Variants in BTRC observed in about 807,000 individuals in gnomAD.
BTRC encodes the protein beta-transducin repeat containing E3 ubiquitin protein ligase.
BTRC carries 42 observed loss-of-function variants against 85.5 expected under a neutral mutation model. The ratio of observed to expected loss-of-function variants is 0.49; its 90% CI spans 0.38 to 0.64. BTRC has a LOEUF of 0.64. Ranked by LOEUF, BTRC falls within the 30% of genes least tolerant of loss-of-function variation. The probability of loss-of-function intolerance (pLI) is 0.00; values close to 1 mark genes in which losing one functional copy is unlikely to be tolerated. For synonymous variants in BTRC, 255 were observed against 263.3 expected, an observed-to-expected ratio of 0.97 and a Z score of 0.30; for missense variants, 594 against 743.5, an observed-to-expected ratio of 0.80 and a Z score of 2.34.
Position 101,356,905 on chromosome 10 carries a change from C to T in BTRC, c.48+2677C>T, listed in dbSNP as rs547972964. ...CAGGACTTTGGGAGGCCGAGGCAGGCGGATCACGAGGTCAGGAGATCGAGA... is the reference window on the plus strand; with the variant it reads ...CAGGACTTTGGGAGGCCGAGGCAGGTGGATCACGAGGTCAGGAGATCGAGA... On this transcript the variant is annotated intron_variant, in intron 1 of 14. Transcript: ENST00000370187. 4.6e-5 allele frequency among the ~76,000 whole-genome samples: 7 copies of T among 152,034 alleles called. No individual in the cohort carries two copies. The East Asian group carries it at 7.7e-4, about 17-fold the overall frequency.
rs960978960 is a variant in BTRC, at chr10:101,369,219, A to AT, written c.48+15004dup. Among the ~76,000 whole-genome samples the AT allele has an allele frequency of 3.8e-3, 544 of 143,046 alleles. 3 individuals are homozygous for AT. Among genetic ancestry groups the AT allele is most frequent in the Admixed American group, 7.7e-3 (109 of 14,238 alleles). 93.8% of individuals were successfully genotyped at this position (143,046 alleles called of 152,430 possible). On this transcript the variant is annotated intron_variant, in intron 1 of 14. Transcript: ENST00000370187. ...TTTTTTCCCCTATTGGAGTATTATT[A>AT]TTTTTTTTTTTTTAAAGAGATGGGT...
chr10:101,517,583 G>C lies in BTRC; in HGVS notation c.325-4056G>C, dbSNP rs141017519. 1.0e-3 allele frequency among the ~76,000 whole-genome samples: 158 copies of C among 152,286 alleles called. 1 individual carries two copies. The highest frequency in any genetic ancestry group is 3.5e-3 in the African/African-American group (145 of 41,550). ...TGGGTCTTTCTGCCACATTTGGGTT[G>C]CCTTAAGTAAATATGCCAAAGATCC... is the stretch of plus-strand genomic sequence containing the variant. On this transcript the variant is annotated intron_variant, in intron 4 of 14. Transcript: ENST00000370187.
intron 4 of BTRC, among the ~76,000 whole-genome samples, chr10:101,485,742 A>G (rs576966295): frequency 1.3e-5 from 2 of 152,262 alleles, no homozygotes; most frequent in African/African-American, 2.4e-5. Flanking sequence ...TCATATTTCT[A>G]TCTAGCCAGG....
intron 1 of BTRC, among the ~76,000 whole-genome samples, chr10:101,411,192 C>T (rs1416783588): frequency 1.3e-5 from 2 of 151,932 alleles, no homozygotes; most frequent in South Asian, 2.1e-4. Context: ...TGGGATTTCA[C>T]CATGTTGGCC....
At chr10:101,366,320 T>TA (rs2134502108) in intron 1 of BTRC, among the ~76,000 whole-genome samples, 1 of 151,734 alleles carries the variant, frequency 6.6e-6, no homozygotes, top group Admixed American at 6.6e-5. Context: ...GGGAAGACAT[T>TA]ATGGGGGCAG....
chr10:101,524,608 T>C (rs1217728644), intron 5 of BTRC, among the ~76,000 whole-genome samples: 5 of 152,150 alleles, frequency 3.3e-5, no homozygotes. Flanking sequence ...CAAAGACTTA[T>C]TTATAGGTAC....
chr10:101,533,130 C>A, intron 9 of BTRC, 60 bp downstream of exon 9: 2 of 1,243,660 alleles, frequency 1.6e-6, no homozygotes, highest in African/African-American at 1.5e-5. Flanking sequence ...TGTTCTTTGT[C>A]ATAGATAGTA....
chr10:101,511,906 C>T (rs879863602), intron 4 of BTRC, among the ~76,000 whole-genome samples: 7 of 152,228 alleles, frequency 4.6e-5, no homozygotes, highest in Non-Finnish European at 7.3e-5. Flanking sequence ...CCGCCTCAGC[C>T]TCCCAAAGTG....
chr10:101,457,350 T>C (rs1945109135), intron 2 of BTRC, among the ~76,000 whole-genome samples: 1 of 152,170 alleles, frequency 6.6e-6, no homozygotes, highest in Non-Finnish European at 1.5e-5. Context: ...ATGTTGGTGG[T>C]GGGATGTCAG....
intron 13 of BTRC, among the ~76,000 whole-genome samples, chr10:101,538,983 G>A (rs1054131264): frequency 2.0e-5 from 3 of 151,882 alleles, no homozygotes; most frequent in Non-Finnish European, 4.4e-5. Flanking sequence ...CCTGAGAGGC[G>A]GAGGTTGCAG....
intron 5 of BTRC, among the ~76,000 whole-genome samples, chr10:101,522,352 T>TAAAAAAAAAAAAAAA (rs34282047): frequency 1.7e-4 from 7 of 42,058 alleles, no homozygotes; most frequent in Admixed American, 4.0e-4. Flanking sequence ...TATAAAGCTT[T>TAAAAAAAAAAAAAAA]AAAAAAAAAA....
upstream of BTRC, chr10:101,354,110 G>T: frequency 2.0e-6 from 3 of 1,515,624 alleles, no homozygotes; most frequent in Non-Finnish European, 2.7e-6. Context: ...GGATCCGGGC[G>T]CTGCGTTGGC....
chr10:101,472,951 A>G (rs1216617842), intron 3 of BTRC, among the ~76,000 whole-genome samples: 1 of 152,122 alleles, frequency 6.6e-6, no homozygotes, highest in Non-Finnish European at 1.5e-5. Context: ...TTGTATTTTT[A>G]ACATGACTGG....
intron 2 of BTRC, among the ~76,000 whole-genome samples, chr10:101,442,387 GCTATCTAATGGCAGC>G (rs1455725832): frequency 1.3e-5 from 2 of 151,556 alleles, no homozygotes; most frequent in Non-Finnish European, 2.9e-5. Context: ...GTACTGTGCT[GCTATCTAATGGCAGC>G]CTATGGAACT....
At chr10:101,450,103 G>A (rs1032270208) in intron 2 of BTRC, among the ~76,000 whole-genome samples, 1 of 151,182 alleles carries the variant, frequency 6.6e-6, no homozygotes, top group African/African-American at 2.4e-5. Context: ...AGTTTAAATG[G>A]ACTATTACTT....
Position 101,501,195 on chromosome 10 carries a change from A to AC in BTRC, c.325-20444_325-20443insC, listed in dbSNP as rs560604485. ...AGAGTGAGACTGCGTCTCAAAAAAAAAAAAAGAGGTGTATGCTTAAACGCC... is the reference window on the plus strand; with the variant it reads ...AGAGTGAGACTGCGTCTCAAAAAAAACAAAAAGAGGTGTATGCTTAAACGCC... On this transcript the variant is annotated intron_variant, in intron 4 of 14. Coordinates refer to ENST00000370187, the MANE Select transcript of BTRC (RefSeq NM_033637.4). Among the ~76,000 whole-genome samples the AC allele has an allele frequency of 1.7e-3, 253 of 152,258 alleles. 3 individuals carry two copies. Among genetic ancestry groups the AC allele is most frequent in the South Asian group, 9.1e-3 (44 of 4,810 alleles).
chr10:101,441,301 C>A (rs1944672973), intron 2 of BTRC, among the ~76,000 whole-genome samples: 1 of 152,200 alleles, frequency 6.6e-6, no homozygotes, highest in African/African-American at 2.4e-5. Context: ...AAATGCCTCA[C>A]AGCTTATGGG....
chr10:101,367,043 AATATAT>A (rs1164265902), intron 1 of BTRC, among the ~76,000 whole-genome samples: 2 of 43,382 alleles, frequency 4.6e-5, no homozygotes, highest in Non-Finnish European at 1.0e-4. Context: ...TATATATATA[AATATAT>A]ATATATATAA....
chr10:101,507,193 A>G (rs1946564270), intron 4 of BTRC, among the ~76,000 whole-genome samples: 1 of 152,178 alleles, frequency 6.6e-6, no homozygotes, highest in Non-Finnish European at 1.5e-5. Context: ...AAGTTTTAAC[A>G]GTACGTAGAA....
Sources: allele counts gnomAD v4.1 joint callset (sites outside exome capture counted in the v4.1 genomes callset), GRCh38; gene constraint gnomAD v4.1.1; transcripts MANE v1.5; gene names NCBI Gene and HGNC (gene_info 2026-07-23, HGNC 2026-07-21).